Variants in ZNF846 observed in about 807,000 individuals in gnomAD.
ZNF846 encodes the protein zinc finger protein 420 pseudogene.
ZNF846 carries 15 observed loss-of-function variants against 16.0 expected under a neutral mutation model. The observed-to-expected ratio is 0.94, with a 90% CI of 0.63 to 1.45. The LOEUF (loss-of-function observed/expected upper bound fraction) is 1.45, where lower values mean the gene tolerates loss of function less well. ZNF846 is among the 40% of genes most tolerant of loss of function. The pLI, the probability that ZNF846 is intolerant of heterozygous loss-of-function variation, is 0.00. For synonymous variants in ZNF846, 229 were observed against 212.0 expected, an observed-to-expected ratio of 1.08 and a Z score of -0.70; for missense variants, 714 against 622.3, an observed-to-expected ratio of 1.15 and a Z score of -1.57.
upstream of ZNF846, among the ~76,000 whole-genome samples, chr19:9,769,982 A>G (rs924728509): frequency 2.0e-5 from 3 of 147,360 alleles, no homozygotes; most frequent in African/African-American, 7.4e-5. Context: ...CTCCGTCTCA[A>G]AAAAAAAAAA....
chr19:9,758,679 A>G, exon 6 of ZNF846: 1 of 1,612,408 alleles, frequency 6.2e-7, no homozygotes. Context: ...GTGAGTTATC[A>G]TGTGAGTCAT....
chr19:9,761,067 C>T (rs779341487), intron 4 of ZNF846, among the ~76,000 whole-genome samples: 23 of 151,582 alleles, frequency 1.5e-4, no homozygotes, highest in South Asian at 2.1e-4. Context: ...GGCATGGTGG[C>T]GCACGCCTGT....
chr19:9,774,816 C>A, intron 1 of ZNF846: 1 of 1,604,590 alleles, frequency 6.2e-7, no homozygotes, highest in Non-Finnish European at 8.5e-7. Context: ...GTAATCCAGT[C>A]CCTCATAGCA....
At chr19:9,784,034 A>G (rs2045532631) in intron 1 of ZNF846, among the ~76,000 whole-genome samples, 1 of 152,126 alleles carries the variant, frequency 6.6e-6, no homozygotes, top group Non-Finnish European at 1.5e-5. Flanking sequence ...CTAAAGAAAA[A>G]AAGTCCAGGC....
Position 9,776,074 on chromosome 19 carries a change from C to A in ZNF846, c.-86+9864G>T, listed in dbSNP as rs183386228. Among the ~76,000 whole-genome samples, 868 of 152,322 alleles carry A rather than the reference C, an allele frequency of 5.7e-3. 3 individuals carry two copies. Among genetic ancestry groups the A allele is most frequent in the Non-Finnish European group, 0.01 (698 of 68,036 alleles). On this transcript the variant is annotated intron_variant, in intron 1 of 4. Transcript: ENST00000586814. Reference sequence around the variant, plus strand: ...CCCAGACAGGGCCACCAGAAGGGCTCCTTGGTCTAGCGGTAATGCCAGCGT... The same window carrying A: ...CCCAGACAGGGCCACCAGAAGGGCTACTTGGTCTAGCGGTAATGCCAGCGT...
exon 6 of ZNF846, chr19:9,757,827 G>C (rs1477643665): frequency 6.2e-7 from 1 of 1,613,026 alleles, no homozygotes; most frequent in Non-Finnish European, 8.5e-7. Flanking sequence ...CTTCTCTCCA[G>C]TGTGAATCCT....
rs149854688 is a variant in ZNF846 at position 9,762,000 on chromosome 19, G to A, written c.229+82C>T. The A allele has an allele frequency of 3.0e-4, 378 of 1,241,466 alleles. 1 individual carries two copies. In the East Asian group the frequency reaches 5.3e-3, roughly 17 times the overall value. 76.9% of individuals were successfully genotyped at this position (1,241,466 alleles called of 1,614,324 possible). ...AAGAAGAGTATACCCTGAGAAGTTC[G>A]CAAAGTAACATTTCCAATGTACTGC... On this transcript the variant is annotated intron_variant, in intron 4 of 5. Transcript: ENST00000397902.
chr19:9,773,941 T>G (rs1000018365), intron 1 of ZNF846, among the ~76,000 whole-genome samples: 1 of 152,212 alleles, frequency 6.6e-6, no homozygotes, highest in African/African-American at 2.4e-5. Flanking sequence ...ACCAATGGCA[T>G]TCATCTACCA....
chr19:9,769,001 G>A (rs2045364430), upstream of ZNF846, among the ~76,000 whole-genome samples: 1 of 152,262 alleles, frequency 6.6e-6, no homozygotes, highest in Non-Finnish European at 1.5e-5. Flanking sequence ...GGCGCAGCGG[G>A]CGGGGCACGC....
intron 1 of ZNF846, among the ~76,000 whole-genome samples, chr19:9,766,717 T>C (rs189711268): frequency 4.6e-5 from 7 of 151,610 alleles, no homozygotes; most frequent in Non-Finnish European, 8.8e-5. Flanking sequence ...CTGGCCAACA[T>C]GGTGAAACCC....
intron 5 of ZNF846, 24 bp from the exon 6 acceptor site, chr19:9,758,788 A>G (rs2045176753): frequency 3.3e-6 from 5 of 1,507,206 alleles, no homozygotes; most frequent in Non-Finnish European, 4.4e-6. Flanking sequence ...AAAGATGAAT[A>G]AAGAATTTCT....
At chr19:9,752,365 T>G (rs1382542889) in exon 6 of ZNF846, 3 of 289,270 alleles carry the variant, frequency 1.0e-5, no homozygotes, top group East Asian at 1.2e-4. Context: ...CCCAGCACTT[T>G]GGGAGGCCAA....
chr19:9,781,665 T>G (rs978228638), intron 1 of ZNF846, among the ~76,000 whole-genome samples: 1 of 152,062 alleles, frequency 6.6e-6, no homozygotes, highest in Non-Finnish European at 1.5e-5. Context: ...AAAAAAAACT[T>G]TTTTCTTTAC....
chr19:9,760,147 G>A (rs900983140), intron 4 of ZNF846, among the ~76,000 whole-genome samples: 1 of 150,338 alleles, frequency 6.7e-6, no homozygotes, highest in African/African-American at 2.5e-5. Context: ...CAAAAAATTA[G>A]CCAGGTGCAG....
chr19:9,763,598 G>C, intron 2 of ZNF846, 190 bp from the exon 3 acceptor site: 1 of 444,364 alleles, frequency 2.3e-6, no homozygotes, highest in African/African-American at 2.0e-5. Flanking sequence ...ACTGAAACAT[G>C]ACTAAACTGA....
chr19:9,764,068 A>T (rs2045274772), intron 2 of ZNF846, among the ~76,000 whole-genome samples: 1 of 152,192 alleles, frequency 6.6e-6, no homozygotes, highest in Non-Finnish European at 1.5e-5. Context: ...CACATCACCA[A>T]GATTCCTATC....
Position 9,767,795 on chromosome 19 carries a change from G to A in ZNF846, c.-86+494C>T, listed in dbSNP as rs188506241. 3.2e-3 allele frequency among the ~76,000 whole-genome samples: 480 copies of A among 152,214 alleles called. 2 individuals carry two copies. Among genetic ancestry groups the A allele is most frequent in the Middle Eastern group, 0.024 (7 of 294 alleles). ...ACTAAAAATGCAAAATTAGCCGGGC[G>A]TGGTGGCACATGCCTGTAATCCCAG... On this transcript the variant is annotated intron_variant, in intron 1 of 5. Coordinates refer to ENST00000397902, the Ensembl canonical transcript of ZNF846.
At chr19:9,758,286 G>C (rs1265496135) in exon 6 of ZNF846, 1 of 1,613,302 alleles carries the variant, frequency 6.2e-7, no homozygotes, top group Admixed American at 1.7e-5. Context: ...TGTGGATTGA[G>C]TGAAAGCTTT....
At chr19:9,757,834 T>C (rs755691259) in exon 6 of ZNF846, 4 of 1,613,394 alleles carry the variant, frequency 2.5e-6, no homozygotes, top group Non-Finnish European at 3.4e-6. Flanking sequence ...CCAGTGTGAA[T>C]CCTTACATGT....
Sources: gnomAD v4.1 joint callset for allele counts (sites outside exome capture counted in the v4.1 genomes callset) on GRCh38, gnomAD v4.1.1 for gene constraint, MANE v1.5 for transcripts, NCBI Gene and HGNC (gene_info 2026-07-23, HGNC 2026-07-21) for gene names.